LDHC: variants seen among roughly 807,000 people sequenced by gnomAD.
The protein encoded by LDHC is L-lactate dehydrogenase C chain.
Under a neutral mutation model 30.2 loss-of-function variants are expected in LDHC, and 20 were observed. The ratio of observed to expected loss-of-function variants is 0.66; its 90% CI spans 0.47 to 0.96. LDHC has a LOEUF of 0.96. Ranked by LOEUF, LDHC falls within the 40% of genes least tolerant of loss-of-function variation. The probability of loss-of-function intolerance (pLI) is 0.00; values close to 1 mark genes in which losing one functional copy is unlikely to be tolerated. For missense variants in LDHC, 362 were observed against 394.9 expected, an observed-to-expected ratio of 0.92 and a Z score of 0.71; for synonymous variants, 139 against 132.7, an observed-to-expected ratio of 1.05 and a Z score of -0.32.
At chr11:18,435,122 A>T (rs1052171300) in intron 5 of LDHC, among the ~76,000 whole-genome samples, 1 of 152,208 alleles carries the variant, frequency 6.6e-6, no homozygotes, top group African/African-American at 2.4e-5. Context: ...CAAAGCATAT[A>T]GCTGTTTTAA....
intron 6 of LDHC, among the ~76,000 whole-genome samples, chr11:18,444,422 C>G (rs2643859): frequency 0.12 from 17,682 of 151,564 alleles, 1,222 homozygotes; most frequent in East Asian, 0.32. Flanking sequence ...CAGGCAGACC[C>G]TCTTTCCCTT....
chr11:18,412,883 G>T (rs377289628), intron 2 of LDHC, 40 bp downstream of exon 2: 2 of 1,595,882 alleles, frequency 1.3e-6, no homozygotes, highest in Non-Finnish European at 1.7e-6. Flanking sequence ...AATCAAGTGA[G>T]CACTTCAGAG....
Position 18,438,518 on chromosome 11 carries a change from T to A in LDHC, c.593-10T>A, listed in dbSNP as rs1162969711. 6.5e-7 allele frequency: 1 copy of A among 1,545,602 alleles called. No homozygotes were observed. The highest frequency in any genetic ancestry group is 8.9e-7 in the Non-Finnish European group (1 of 1,118,562). ...GAAGAAGAGTTTATTTTGAGATCTGTATTTTTTAGTGCCCTTATGGAGTGG... is the reference window on the plus strand; with the variant it reads ...GAAGAAGAGTTTATTTTGAGATCTGAATTTTTTAGTGCCCTTATGGAGTGG... On this transcript the variant is annotated splice_polypyrimidine_tract_variant and intron_variant, in intron 5 of 7. Coordinates refer to ENST00000541669, the MANE Select transcript of LDHC (RefSeq NM_017448.5).
At position 18,415,281 on chromosome 11, in the gene LDHC, C is replaced by G. The variant is rs373834035; in HGVS notation, c.224C>G (p.Ser75Ter). The change falls in exon 3 of 8, where the codon TCA becomes TGA. Residue 75 changes from serine to a stop codon, truncating the protein, a stop_gained. Coordinates refer to ENST00000541669, the MANE Select transcript of LDHC (RefSeq NM_017448.5). LOFTEE classifies it high-confidence loss of function. ...CATGGCAGTCTTTTCTTTAGTACTT[C>G]AAAGATTACTTCTGGAAAAGGTTAA... ...LQHGSLFFST[S>*]KITSGKDYSV... 6.4e-7 allele frequency: 1 copy of G among 1,558,402 alleles called. No homozygotes were observed. The highest frequency in any genetic ancestry group is 1.4e-5 in the African/African-American group (1 of 73,830).
intron 6 of LDHC, among the ~76,000 whole-genome samples, chr11:18,440,034 G>A (rs1380297867): frequency 6.6e-6 from 1 of 150,454 alleles, no homozygotes; most frequent in Non-Finnish European, 1.5e-5. Flanking sequence ...GGGCGCAGTG[G>A]CTTATGCCTG....
chr11:18,435,439 A>G (rs150878171), intron 5 of LDHC, among the ~76,000 whole-genome samples: 100 of 151,974 alleles, frequency 6.6e-4, no homozygotes, highest in African/African-American at 2.3e-3. Context: ...TAGCCATATA[A>G]GACTCTCCTG....
At position 18,415,242 on chromosome 11, in the gene LDHC, T is replaced by C; in HGVS notation, c.185T>C (p.Met62Thr). 6.2e-7 allele frequency: 1 copy of C among 1,611,034 alleles called. No individual in the cohort carries two copies. Among genetic ancestry groups the C allele is most frequent in the South Asian group, 1.1e-5 (1 of 90,734 alleles). Residue 62 changes from methionine (M) to threonine (T), a missense_variant, in exon 3 of 8, where the codon ATG becomes ACG. Coordinates refer to ENST00000541669, the MANE Select transcript of LDHC (RefSeq NM_017448.5). ...GCATTGGACAAACTGAAGGGAGAAA[T>C]GATGGATCTTCAGCATGGCAGTCTT... ...DVALDKLKGE[M>T]MDLQHGSLFF...
intron 6 of LDHC, among the ~76,000 whole-genome samples, chr11:18,442,037 C>T (rs569708018): frequency 3.3e-5 from 5 of 152,182 alleles, no homozygotes; most frequent in South Asian, 4.2e-4. Context: ...CACAGGAAAG[C>T]GGCTGCCTTT....
At chr11:18,433,160 C>T (rs562173039) in intron 4 of LDHC, among the ~76,000 whole-genome samples, 5 of 151,916 alleles carry the variant, frequency 3.3e-5, no homozygotes, top group Admixed American at 1.3e-4. Context: ...CCAAGGTGGG[C>T]GGATCACCTG....
rs1317828032 is a variant in LDHC at position 18,434,863 on chromosome 11, AC to A, written c.546del (p.Thr183GlnfsTer22). On this transcript the variant is annotated frameshift_variant, in exon 5 of 8. Transcript: ENST00000541669. LOFTEE classifies it high-confidence loss of function. ...RYLIGEKLGV[H>X]PTSCHGWIIG... ...CTAATTGGAGAAAAGTTGGGTGTCC[AC>A]CCCACAAGCTGCCATGGTTGGATTA... The A allele has an allele frequency of 1.2e-5, 20 of 1,613,374 alleles. No homozygotes were observed. Among genetic ancestry groups the A allele is most frequent in the Non-Finnish European group, 1.6e-5 (19 of 1,179,466 alleles).
intron 5 of LDHC, 83 bp from the exon 6 acceptor site, chr11:18,438,445 T>C: frequency 2.4e-6 from 2 of 848,618 alleles, no homozygotes; most frequent in Non-Finnish European, 4.0e-6. Flanking sequence ...AGGTGGCAAC[T>C]TAACTTAAAA....
intron 6 of LDHC, among the ~76,000 whole-genome samples, chr11:18,443,135 G>A (rs77486576): frequency 6.6e-6 from 1 of 152,038 alleles, no homozygotes; most frequent in Non-Finnish European, 1.5e-5. Context: ...TGAATGAGAG[G>A]TTAAATTAAT....
At chr11:18,439,667 A>G (rs73438690) in intron 6 of LDHC, among the ~76,000 whole-genome samples, 1 of 151,454 alleles carries the variant, frequency 6.6e-6, no homozygotes, top group African/African-American at 2.4e-5. Flanking sequence ...TGTATACTTA[A>G]AACAACCCTA....
intron 5 of LDHC, among the ~76,000 whole-genome samples, chr11:18,435,998 T>C (rs911748887): frequency 1.3e-5 from 2 of 152,200 alleles, no homozygotes; most frequent in African/African-American, 2.4e-5. Flanking sequence ...ATAATGGCAA[T>C]AAACCAATTG....
rs755243567 is a variant in LDHC, at chr11:18,451,108, A to G, written c.980A>G (p.Gln327Arg). The change falls in exon 8 of 8, where the codon CAA becomes CGA. Residue 327 changes from glutamine to arginine, a missense_variant. Transcript: ENST00000541669. The stretch of plus-strand genomic sequence containing the variant: ...AGTGCAGAAACACTTTGGAATATTC[A>G]AAAGGATCTAATATTTTAAATTAAA... Reference protein sequence around the residue: ...KKSAETLWNIQKDLIF With the variant: ...KKSAETLWNIRKDLIF 1 of 1,536,080 alleles carries G rather than the reference A, an allele frequency of 6.5e-7. No homozygotes were observed. Among genetic ancestry groups the G allele is most frequent in the Non-Finnish European group, 8.7e-7 (1 of 1,149,918 alleles).
intron 7 of LDHC, among the ~76,000 whole-genome samples, chr11:18,446,678 T>C (rs940584195): frequency 2.0e-5 from 3 of 152,192 alleles, no homozygotes; most frequent in African/African-American, 7.2e-5. Flanking sequence ...TCAGACAATA[T>C]TATGAGAGCT....
chr11:18,444,604 GTATATATATATATATA>G (rs60764598), intron 6 of LDHC, among the ~76,000 whole-genome samples: 1,724 of 89,338 alleles, frequency 0.019, 37 homozygotes, highest in Middle Eastern at 0.032. Flanking sequence ...TGTTCAGGTG[GTATATATATATATATA>G]TATATATATA....
chr11:18,443,460 CT>C (rs34546967), intron 6 of LDHC, among the ~76,000 whole-genome samples: 16,241 of 135,428 alleles, frequency 0.12, 1,129 homozygotes, highest in African/African-American at 0.25. Context: ...TTCTTTCTTT[CT>C]TTTTTTTTTT....
chr11:18,429,276 C>T (rs993097603), intron 3 of LDHC, among the ~76,000 whole-genome samples: 1 of 151,964 alleles, frequency 6.6e-6, no homozygotes, highest in Non-Finnish European at 1.5e-5. Flanking sequence ...CCACTCCCAG[C>T]TAATTTTTGT....
Sources: gnomAD v4.1 joint callset for allele counts (sites outside exome capture counted in the v4.1 genomes callset) on GRCh38, gnomAD v4.1.1 for gene constraint, MANE v1.5 for transcripts, NCBI Gene and HGNC (gene_info 2026-07-23, HGNC 2026-07-21) for gene names.